MTCH2: variants seen among roughly 807,000 people sequenced by gnomAD.
MTCH2 encodes mitochondrial carrier 2.
MTCH2 carries 25 observed loss-of-function variants against 50.6 expected under a neutral mutation model. That is an observed-to-expected ratio of 0.49 (90% CI 0.36 to 0.69). MTCH2 has a LOEUF of 0.69. Ranked by LOEUF, MTCH2 falls within the 30% of genes least tolerant of loss-of-function variation. MTCH2 has a pLI of 0.00. For synonymous variants in MTCH2, 106 were observed against 132.0 expected (o/e 0.80, Z 1.35); for missense variants, 273 against 384.4 (o/e 0.71, Z 2.42).
intron 6 of MTCH2, 122 bp downstream of exon 6, chr11:47,631,532 A>C: frequency 1.1e-6 from 1 of 947,364 alleles, no homozygotes; most frequent in Non-Finnish European, 1.6e-6. Flanking sequence ...TAAAAGCCAA[A>C]ACAAGCAAGC....
the MTCH2 span, among the ~76,000 whole-genome samples, chr11:47,605,362 C>A: frequency 6.6e-6 from 1 of 152,158 alleles, no homozygotes; most frequent in Admixed American, 6.6e-5. Context: ...AAGCCCTTAG[C>A]CTTTTTCTCA....
At chr11:47,632,579 C>T (rs1272299379) in intron 5 of MTCH2, among the ~76,000 whole-genome samples, 1 of 151,994 alleles carries the variant, frequency 6.6e-6, no homozygotes, top group Non-Finnish European at 1.5e-5. Flanking sequence ...AGGATGGTCT[C>T]GATCTCCTGA....
downstream of MTCH2, among the ~76,000 whole-genome samples, chr11:47,615,781 C>T (rs931480856): frequency 4.1e-4 from 7 of 17,134 alleles, no homozygotes; most frequent in African/African-American, 9.9e-4. Context: ...TACAGGTGCC[C>T]GCCACCACGC....
intron 8 of MTCH2, among the ~76,000 whole-genome samples, chr11:47,630,127 C>T (rs1196907042): frequency 1.3e-5 from 2 of 152,148 alleles, no homozygotes; most frequent in Non-Finnish European, 2.9e-5. Context: ...CTCCCGGGTT[C>T]ATGCAATTCT....
At chr11:47,633,526 ATTTTT>A (rs869251946) in intron 5 of MTCH2, among the ~76,000 whole-genome samples, 220 of 34,976 alleles carry the variant, frequency 6.3e-3, no homozygotes, top group Non-Finnish European at 0.011. Context: ...ATATATATAT[ATTTTT>A]TTTTTTTTTT....
chr11:47,614,716 G>C (rs1029745878), downstream of MTCH2, among the ~76,000 whole-genome samples: 2 of 152,118 alleles, frequency 1.3e-5, no homozygotes, highest in South Asian at 4.1e-4. Context: ...TAAGTAGCTG[G>C]AATTATAGGC....
chr11:47,632,478 C>G (rs1217187745), intron 5 of MTCH2, among the ~76,000 whole-genome samples: 2 of 150,848 alleles, frequency 1.3e-5, no homozygotes, highest in Admixed American at 1.3e-4. Flanking sequence ...CTCAGCCTCC[C>G]AAGTAGCTGG....
intron 11 of MTCH2, among the ~76,000 whole-genome samples, chr11:47,625,456 A>T (rs184163709): frequency 4.0e-4 from 61 of 151,570 alleles, no homozygotes; most frequent in African/African-American, 1.4e-3. Flanking sequence ...TAATTAATAA[A>T]TAAATACAAA....
intron 3 of MTCH2, 99 bp downstream of exon 3, chr11:47,638,600 T>G: frequency 2.8e-6 from 2 of 715,834 alleles, no homozygotes; most frequent in Non-Finnish European, 4.4e-6. Context: ...AAGGACAGGG[T>G]TATAAATGTA....
In MTCH2 at chr11:47,625,760, G is replaced by C. The variant is rs2097297548; in HGVS notation, c.682-19C>G. 4 of 1,600,468 alleles carry C rather than the reference G, an allele frequency of 2.5e-6. No homozygotes were observed. In the African/African-American group the frequency reaches 5.4e-5, roughly 21 times the overall value. On this transcript the variant is annotated intron_variant, in intron 10 of 12. Coordinates refer to ENST00000302503, the MANE Select transcript of MTCH2 (RefSeq NM_014342.4). ...CAAAAAACTGTAAAATGGAAACAAG[G>C]CAGCTGTTATTAGATCATTCCTAGT...
At position 47,642,475 on chromosome 11, in the gene MTCH2, C is replaced by CGCGG. The variant is rs1412111617; in HGVS notation, c.-14_-11dup. On this transcript the variant is annotated 5_prime_UTR_variant, in exon 1 of 13. Coordinates refer to ENST00000302503, the MANE Select transcript of MTCH2 (RefSeq NM_014342.4). The stretch of plus-strand genomic sequence containing the variant: ...TGGCCGCGTCCGCCATGATGGCACC[C>CGCGG]GCGGGCGGACGGACAGACAGACGGA... The CGCGG allele has an allele frequency of 1.2e-5, 19 of 1,575,968 alleles. No homozygotes were observed. The highest frequency in any genetic ancestry group is 1.9e-5 in the Admixed American group (1 of 53,988).
At chr11:47,634,546 T>G (rs1392839384) in intron 5 of MTCH2, 126 bp downstream of exon 5, 3 of 679,816 alleles carry the variant, frequency 4.4e-6, no homozygotes, top group Non-Finnish European at 2.5e-6. Context: ...AAGCCCAAAT[T>G]AATTTGAAGG....
At chr11:47,635,025 G>A (rs551421015) in intron 4 of MTCH2, among the ~76,000 whole-genome samples, 10 of 152,050 alleles carry the variant, frequency 6.6e-5, no homozygotes, top group Middle Eastern at 3.4e-3. Context: ...CACCTGCCTC[G>A]GCCTCCCAAA....
intron 4 of MTCH2, 79 bp from the exon 5 acceptor site, chr11:47,634,813 C>T (rs2097307043): frequency 9.6e-7 from 1 of 1,038,254 alleles, no homozygotes; most frequent in Admixed American, 2.5e-5. Context: ...CGCTCTGTCG[C>T]CCAGGCTGGA....
intron 6 of MTCH2, among the ~76,000 whole-genome samples, 183 bp from the exon 7 acceptor site, chr11:47,631,270 G>A (rs1470872053): frequency 6.6e-6 from 1 of 152,064 alleles, no homozygotes; most frequent in African/African-American, 2.4e-5. Context: ...TTATCCAGGC[G>A]TGGTGGCATG....
At chr11:47,620,048 GC>G (rs112207405) in intron 12 of MTCH2, among the ~76,000 whole-genome samples, 4 of 152,192 alleles carry the variant, frequency 2.6e-5, no homozygotes, top group African/African-American at 9.6e-5. Flanking sequence ...TTGCACTCTA[GC>G]CTGGATGACA....
chr11:47,615,016 T>A (rs891237668), downstream of MTCH2, among the ~76,000 whole-genome samples: 1 of 142,496 alleles, frequency 7.0e-6, no homozygotes, highest in Non-Finnish European at 1.5e-5. Flanking sequence ...AGCTTTTCTA[T>A]AAAGCCCAGT....
the MTCH2 span, among the ~76,000 whole-genome samples, chr11:47,606,647 T>A: frequency 6.6e-6 from 1 of 152,218 alleles, no homozygotes; most frequent in Admixed American, 6.5e-5. Flanking sequence ...TTCTAACTTT[T>A]CAAATCATTT....
At position 47,633,234 on chromosome 11, in the gene MTCH2, C is replaced by T. The variant is rs971817093; in HGVS notation, c.369+1438G>A. 3.0e-3 allele frequency among the ~76,000 whole-genome samples: 446 copies of T among 150,234 alleles called. 3 individuals carry two copies. The highest frequency in any genetic ancestry group is 2.1e-3 in the Non-Finnish European group (141 of 67,576). ...ACGCCATGCTCTTGCCTCAGCCTCC[C>T]GAGTAGCTGGGACTACAGGCGCCTG... On this transcript the variant is annotated intron_variant, in intron 5 of 12. Transcript: ENST00000302503.
Sources: gnomAD v4.1 joint callset for allele counts (sites outside exome capture counted in the v4.1 genomes callset) on GRCh38, gnomAD v4.1.1 for gene constraint, MANE v1.5 for transcripts, NCBI Gene and HGNC (gene_info 2026-07-23, HGNC 2026-07-21) for gene names.